The following ARL13B variants were observed in gnomAD, a reference collection of about 807,000 sequenced individuals.
ARL13B encodes the protein ARF like GTPase 13B.
ARL13B carries 36 observed loss-of-function variants against 56.1 expected under a neutral mutation model. The observed-to-expected ratio is 0.64, with a 90% CI of 0.49 to 0.85. The LOEUF (loss-of-function observed/expected upper bound fraction) is 0.85. Ranked by LOEUF, ARL13B falls within the 40% of genes least tolerant of loss-of-function variation. The probability of loss-of-function intolerance (pLI) is 0.00; values close to 1 mark genes in which losing one functional copy is unlikely to be tolerated. For synonymous variants in ARL13B, 178 were observed against 171.1 expected (o/e 1.04, Z -0.32); for missense variants, 519 against 507.1 (o/e 1.02, Z -0.23).
rs1288740771 is a variant in ARL13B, at chr3:94,055,576, A to G, written c.*2313A>G. 2.2e-6 allele frequency: 1 copy of G among 453,942 alleles called. No homozygotes were observed. Among genetic ancestry groups the G allele is most frequent in the Admixed American group, 2.3e-5 (1 of 42,564 alleles). The allele number at this position is 453,942 out of a possible 1,614,324, so 28.1% of individuals were successfully genotyped here. ...CAACAGATATGTTTTTATGTATTTAAAAGAGGCTCTTGTGTGCCTTTATGT... is the reference window on the plus strand; with the variant it reads ...CAACAGATATGTTTTTATGTATTTAGAAGAGGCTCTTGTGTGCCTTTATGT... On this transcript the variant is annotated 3_prime_UTR_variant, in exon 10 of 10. Transcript: ENST00000394222.
intron 3 of ARL13B, among the ~76,000 whole-genome samples, chr3:94,007,303 G>A (rs1220564667): frequency 6.6e-6 from 1 of 152,190 alleles, no homozygotes; most frequent in Non-Finnish European, 1.5e-5. Context: ...TTTGTGGGAA[G>A]TAGAGTGGAT....
At position 94,049,257 on chromosome 3, in the gene ARL13B, C is replaced by T. The variant is rs1669354937; in HGVS notation, c.1025-149C>T. 1.4e-5 allele frequency: 7 copies of T among 487,344 alleles called. No individual in the cohort carries two copies. The Admixed American group carries it at 1.9e-4, about 13-fold the overall frequency. The allele number at this position is 487,344 out of a possible 1,614,324, so 30.2% of individuals were successfully genotyped here. ...AATATATTCTTAGTAAATGCAAGTA[C>T]ACATTTGGTTATTGTAACAATTTCC... On this transcript the variant is annotated intron_variant, in intron 7 of 9. Coordinates refer to ENST00000394222, the MANE Select transcript of ARL13B (RefSeq NM_001174150.2).
intron 1 of ARL13B, among the ~76,000 whole-genome samples, chr3:93,987,778 A>G (rs1256606574): frequency 6.6e-6 from 1 of 151,830 alleles, no homozygotes; most frequent in Non-Finnish European, 1.5e-5. Context: ...CCTCCCAAGT[A>G]ACTGGGAGGT....
Position 94,003,710 on chromosome 3 carries a change from G to A in ARL13B, c.182G>A (p.Arg61Lys). 1 of 1,613,486 alleles carries A rather than the reference G, an allele frequency of 6.2e-7. No individual in the cohort carries two copies. Among genetic ancestry groups the A allele is most frequent in the Non-Finnish European group, 8.5e-7 (1 of 1,179,628 alleles). Residue 61 changes from arginine (R) to lysine (K), a missense_variant, in exon 3 of 10, where the codon AGA becomes AAA. Arg to Lys is a conservative substitution (Grantham distance 26). Coordinates refer to ENST00000394222, the MANE Select transcript of ARL13B (RefSeq NM_001174150.2). ...GTTGGATTTTCAAAAATTAACCTTAGACAAGGAAAGTTTGAAGTCACCATC... is the reference window on the plus strand; with the variant it reads ...GTTGGATTTTCAAAAATTAACCTTAAACAAGGAAAGTTTGAAGTCACCATC... ...PTVGFSKINL[R>K]QGKFEVTIFD...
intron 7 of ARL13B, among the ~76,000 whole-genome samples, chr3:94,044,879 C>T (rs1468644033): frequency 2.0e-5 from 3 of 151,504 alleles, no homozygotes; most frequent in African/African-American, 7.3e-5. Context: ...CCTGCCCGCC[C>T]CTCGTCGGGG....
At chr3:94,030,224 A>AT (rs1044093935) in intron 3 of ARL13B, among the ~76,000 whole-genome samples, 9 of 151,796 alleles carry the variant, frequency 5.9e-5, no homozygotes, top group Non-Finnish European at 1.2e-4. Flanking sequence ...CCATATAAAT[A>AT]TTTTTTTATT....
intron 9 of ARL13B, among the ~76,000 whole-genome samples, 166 bp downstream of exon 9, chr3:94,051,058 C>T (rs1030976143): frequency 1.3e-5 from 2 of 151,702 alleles, no homozygotes; most frequent in Non-Finnish European, 2.9e-5. Flanking sequence ...ATTTTTTATT[C>T]TTAAGTATGC....
chr3:94,011,256 C>T (rs750635148), intron 3 of ARL13B, among the ~76,000 whole-genome samples: 8 of 152,072 alleles, frequency 5.3e-5, no homozygotes, highest in Non-Finnish European at 8.8e-5. Flanking sequence ...TGCTTAGACC[C>T]AGTCATCTAC....
At chr3:94,014,926 T>C in intron 3 of ARL13B, 1 of 1,613,590 alleles carries the variant, frequency 6.2e-7, no homozygotes, top group Non-Finnish European at 8.5e-7. Context: ...CTTTTTAACT[T>C]CTTTAACTAA....
At chr3:94,026,686 G>A (rs1300899682) in intron 3 of ARL13B, among the ~76,000 whole-genome samples, 6 of 152,048 alleles carry the variant, frequency 3.9e-5, no homozygotes, top group African/African-American at 1.2e-4. Flanking sequence ...GCTTAGACTA[G>A]GTGAAATTGA....
At chr3:93,997,363 A>C (rs750546915) in intron 2 of ARL13B, among the ~76,000 whole-genome samples, 9 of 152,186 alleles carry the variant, frequency 5.9e-5, no homozygotes, top group African/African-American at 2.2e-4. Flanking sequence ...TTGCAGTAAG[A>C]TATCATGCTT....
At chr3:94,049,589 A>C (rs1388920577) in intron 8 of ARL13B, 67 bp downstream of exon 8, 6 of 1,124,686 alleles carry the variant, frequency 5.3e-6, no homozygotes, top group Admixed American at 2.0e-5. Flanking sequence ...AAAAAAAAAG[A>C]AAAAAGGAAT....
intron 3 of ARL13B, 35 bp from the exon 4 acceptor site, chr3:94,035,296 A>G (rs1295775301): frequency 3.0e-6 from 4 of 1,315,580 alleles, no homozygotes; most frequent in Admixed American, 1.8e-5. Flanking sequence ...CCAATTATAT[A>G]TATGCTGTAT....
At chr3:93,987,115 C>T (rs540172951) in intron 1 of ARL13B, among the ~76,000 whole-genome samples, 1 of 151,220 alleles carries the variant, frequency 6.6e-6, no homozygotes, top group African/African-American at 2.4e-5. Context: ...TAAATGTTTT[C>T]TAAGTTCAAT....
At chr3:94,031,669 G>A (rs1218432810) in intron 3 of ARL13B, among the ~76,000 whole-genome samples, 1 of 152,098 alleles carries the variant, frequency 6.6e-6, no homozygotes, top group Non-Finnish European at 1.5e-5. Flanking sequence ...ATAAGAAAAA[G>A]TACCAAAAAG....
intron 5 of ARL13B, 38 bp downstream of exon 5, chr3:94,036,792 G>A: frequency 6.4e-7 from 1 of 1,570,914 alleles, no homozygotes; most frequent in Non-Finnish European, 8.7e-7. Context: ...GCATTTGAAG[G>A]ATCAAAAACA....
intron 3 of ARL13B, among the ~76,000 whole-genome samples, chr3:94,023,067 AT>A (rs775860299): frequency 2.6e-5 from 4 of 151,530 alleles, no homozygotes; most frequent in Non-Finnish European, 4.4e-5. Context: ...TCTATTTTTG[AT>A]TTCCAATTCC....
chr3:94,048,770 T>C (rs1311497684), intron 7 of ARL13B, among the ~76,000 whole-genome samples: 2 of 152,028 alleles, frequency 1.3e-5, no homozygotes, highest in Non-Finnish European at 2.9e-5. Flanking sequence ...GGTTTTTTTT[T>C]TCCCCCATAG....
intron 2 of ARL13B, among the ~76,000 whole-genome samples, chr3:93,998,681 C>T (rs2076005087): frequency 6.6e-6 from 1 of 152,170 alleles, no homozygotes; most frequent in Non-Finnish European, 1.5e-5. Context: ...CCAATTACTA[C>T]CTTACTTAGT....
Sources: gnomAD v4.1 joint callset for allele counts (sites outside exome capture counted in the v4.1 genomes callset) on GRCh38, gnomAD v4.1.1 for gene constraint, MANE v1.5 for transcripts, NCBI Gene and HGNC (gene_info 2026-07-23, HGNC 2026-07-21) for gene names.